The following GNB4 variants were observed in gnomAD, a reference collection of about 807,000 sequenced individuals.
GNB4 encodes the protein G protein subunit beta 4.
In GNB4, 28 loss-of-function variants were observed where a neutral mutation model predicts 45.2. The ratio of observed to expected loss-of-function variants is 0.62; its 90% CI spans 0.46 to 0.85. The LOEUF (loss-of-function observed/expected upper bound fraction) is 0.85. GNB4 is among the 40% of genes least tolerant of loss of function. The pLI, the probability that GNB4 is intolerant of heterozygous loss-of-function variation, is 0.00. For missense variants in GNB4, 321 were observed against 425.4 expected (o/e 0.75, Z 2.16); for synonymous variants, 132 against 143.7 (o/e 0.92, Z 0.58).
chr3:179,431,557 CAAAA>C (rs71181291), intron 1 of GNB4, among the ~76,000 whole-genome samples: 1 of 128,568 alleles, frequency 7.8e-6, no homozygotes, highest in Non-Finnish European at 1.6e-5. Context: ...GACTCTGTCT[CAAAA>C]AAAAAAAAAA....
At chr3:179,459,498 C>T in the GNB4 span, among the ~76,000 whole-genome samples, 607 of 152,196 alleles carry the variant, frequency 4.0e-3, 3 homozygotes, top group Non-Finnish European at 6.9e-3. Context: ...GCCTGGGCAA[C>T]ACAGTGAAAC....
chr3:179,417,457 G>C (rs1219385155), intron 4 of GNB4, among the ~76,000 whole-genome samples: 2 of 148,952 alleles, frequency 1.3e-5, no homozygotes, highest in Non-Finnish European at 3.0e-5. Context: ...ACCCAGGTTA[G>C]AGTGCAATGG....
chr3:179,525,496 G>C, the GNB4 span, among the ~76,000 whole-genome samples: 1 of 152,152 alleles, frequency 6.6e-6, no homozygotes, highest in Non-Finnish European at 1.5e-5. Flanking sequence ...CTGGGCTGCA[G>C]TGTGGGTGAG....
the GNB4 span, among the ~76,000 whole-genome samples, chr3:179,511,786 A>G: frequency 6.6e-6 from 1 of 152,174 alleles, no homozygotes; most frequent in Non-Finnish European, 1.5e-5. Context: ...TATGCCTCTT[A>G]ACACCTCATC....
At chr3:179,505,283 G>C in the GNB4 span, among the ~76,000 whole-genome samples, 1 of 152,174 alleles carries the variant, frequency 6.6e-6, no homozygotes, top group Non-Finnish European at 1.5e-5. Context: ...AAGAGAGAAG[G>C]AGCTTTAAAC....
intron 1 of GNB4, among the ~76,000 whole-genome samples, chr3:179,449,728 G>A (rs1203365141): frequency 6.6e-6 from 1 of 152,168 alleles, no homozygotes. Context: ...CATAACAGAC[G>A]CAGATTAAAA....
intron 1 of GNB4, among the ~76,000 whole-genome samples, chr3:179,446,803 A>C (rs1715744499): frequency 6.6e-6 from 1 of 152,250 alleles, no homozygotes; most frequent in Non-Finnish European, 1.5e-5. Context: ...CTAACGCTGT[A>C]AGATTCTCTG....
chr3:179,480,826 A>G, the GNB4 span, among the ~76,000 whole-genome samples: 17,220 of 150,884 alleles, frequency 0.11, 1,255 homozygotes, highest in East Asian at 0.33. Flanking sequence ...TTAGGACTCA[A>G]TGCAAACTGA....
intron 8 of GNB4, among the ~76,000 whole-genome samples, chr3:179,408,418 CT>C (rs1164447949): frequency 6.6e-6 from 1 of 152,008 alleles, no homozygotes; most frequent in Non-Finnish European, 1.5e-5. Flanking sequence ...CATGAGTGAG[CT>C]CTGGGAAAAC....
intron 1 of GNB4, among the ~76,000 whole-genome samples, chr3:179,442,287 G>T (rs1344907126): frequency 6.6e-6 from 1 of 152,150 alleles, no homozygotes; most frequent in African/African-American, 2.4e-5. Context: ...TATTGTCCAT[G>T]AATTCATTGA....
intron 1 of GNB4, among the ~76,000 whole-genome samples, chr3:179,449,023 T>C (rs185117476): frequency 1.6e-4 from 25 of 152,356 alleles, no homozygotes; most frequent in African/African-American, 5.5e-4. Context: ...ATGTAAATGA[T>C]TCTGTAGTAA....
intron 1 of GNB4, among the ~76,000 whole-genome samples, chr3:179,435,606 A>C (rs937173565): frequency 7.9e-5 from 12 of 152,214 alleles, no homozygotes; most frequent in Admixed American, 4.6e-4. Context: ...CGCTAAGGCA[A>C]TTTTAAACTA....
chr3:179,501,835 A>C, the GNB4 span, among the ~76,000 whole-genome samples: 30 of 152,178 alleles, frequency 2.0e-4, no homozygotes, highest in African/African-American at 7.2e-4. Context: ...ATCTTTAAGA[A>C]GTTTAGCATC....
At chr3:179,499,154 TC>T in the GNB4 span, among the ~76,000 whole-genome samples, 10 of 134,984 alleles carry the variant, frequency 7.4e-5, no homozygotes, top group East Asian at 2.4e-4. Context: ...TGCCACATTT[TC>T]TTTTTTTTTT....
rs1237617477 is a variant in GNB4 at position 179,399,307 on chromosome 3, A to T, written c.*1906T>A. 6.6e-6 allele frequency: 1 copy of T among 152,196 alleles called. No homozygotes were observed. Among genetic ancestry groups the T allele is most frequent in the Non-Finnish European group, 1.5e-5 (1 of 68,064 alleles). 9.4% of individuals were successfully genotyped at this position (152,196 alleles called of 1,614,324 possible). A position where few individuals can be genotyped will look rare whatever the true frequency, so the allele number is the denominator to read the frequency against. ...AACCTCTGCCTCCCGGGTTCAGGCGAATCTCCTGCCTCAGCCTCCCGAGTA... is the reference window on the plus strand; with the variant it reads ...AACCTCTGCCTCCCGGGTTCAGGCGTATCTCCTGCCTCAGCCTCCCGAGTA... On this transcript the variant is annotated 3_prime_UTR_variant, in exon 10 of 10. Coordinates refer to ENST00000232564, the MANE Select transcript of GNB4 (RefSeq NM_021629.4).
chr3:179,425,346 C>T (rs1315388552), intron 2 of GNB4, among the ~76,000 whole-genome samples: 3 of 152,184 alleles, frequency 2.0e-5, no homozygotes, highest in African/African-American at 7.2e-5. Flanking sequence ...ATCCATTACG[C>T]TTTGAAGTTC....
the GNB4 span, among the ~76,000 whole-genome samples, chr3:179,525,377 G>C: frequency 3.9e-5 from 6 of 152,166 alleles, no homozygotes; most frequent in African/African-American, 1.2e-4. Context: ...GAGAACACAG[G>C]CTAAGGGAGA....
the GNB4 span, among the ~76,000 whole-genome samples, chr3:179,511,690 T>G: frequency 5.3e-5 from 8 of 152,184 alleles, no homozygotes; most frequent in Non-Finnish European, 1.0e-4. Context: ...AATAAGCACT[T>G]TATAAAGTGC....
chr3:179,469,054 G>GAA, the GNB4 span, among the ~76,000 whole-genome samples: 1 of 152,154 alleles, frequency 6.6e-6, no homozygotes, highest in African/African-American at 2.4e-5. Flanking sequence ...TTGCCAATCA[G>GAA]AAAATCTTTG....
Sources: allele counts gnomAD v4.1 joint callset (sites outside exome capture counted in the v4.1 genomes callset), GRCh38; gene constraint gnomAD v4.1.1; transcripts MANE v1.5; gene names NCBI Gene and HGNC (gene_info 2026-07-23, HGNC 2026-07-21).